MEGF11: variants seen among roughly 807,000 people sequenced by gnomAD.
MEGF11 encodes multiple EGF like domains 11, also known as multiple epidermal growth factor-like domains protein 11.
In MEGF11, 126 loss-of-function variants were observed where a neutral mutation model predicts 146.6. That is an observed-to-expected ratio of 0.86 (90% CI 0.74 to 1.00). The LOEUF is 1.00. MEGF11 is among the 50% of genes least tolerant of loss of function. The pLI, the probability that MEGF11 is intolerant of heterozygous loss-of-function variation, is 0.00. For synonymous variants in MEGF11, 532 were observed against 583.4 expected (o/e 0.91, Z 1.27); for missense variants, 1,509 against 1,521.2 (o/e 0.99, Z 0.13).
intron 20 of MEGF11, among the ~76,000 whole-genome samples, chr15:65,912,898 G>A (rs1208208286): frequency 1.3e-5 from 2 of 152,196 alleles, no homozygotes; most frequent in South Asian, 2.1e-4. Flanking sequence ...ACAAGATGCA[G>A]GAGGCTGCAG....
At chr15:66,069,617 T>C (rs2085282893) in intron 5 of MEGF11, among the ~76,000 whole-genome samples, 1 of 152,204 alleles carries the variant, frequency 6.6e-6, no homozygotes, top group African/African-American at 2.4e-5. Flanking sequence ...TGCTCTTAAC[T>C]GCCACAGAGT....
At chr15:66,030,137 G>A (rs988772911) in intron 5 of MEGF11, among the ~76,000 whole-genome samples, 9 of 152,192 alleles carry the variant, frequency 5.9e-5, no homozygotes, top group African/African-American at 1.9e-4. Context: ...AGCACACACA[G>A]AGATTCAGAC....
At chr15:65,980,681 G>A (rs766758911) in intron 7 of MEGF11, 97 bp downstream of exon 7, 53 of 1,426,348 alleles carry the variant, frequency 3.7e-5, no homozygotes, top group Middle Eastern at 3.9e-4. Context: ...TTACAGTCAC[G>A]AGTACCATGC....
At chr15:65,955,739 T>A (rs1596899950) in intron 10 of MEGF11, among the ~76,000 whole-genome samples, 1 of 9,736 alleles carries the variant, frequency 1.0e-4, no homozygotes, top group Non-Finnish European at 1.5e-4. Flanking sequence ...GTGAGACTCT[T>A]AAAAAAAAAA....
At position 66,184,734 on chromosome 15, in the gene MEGF11, C is replaced by T. The variant is rs532907213; in HGVS notation, c.-8-56323G>A. On this transcript the variant is annotated intron_variant, in intron 1 of 25. Transcript: ENST00000395614. ...CTGCCTCGCTGACTTTCTAGGAGTT[C>T]TCCCAAAGCACCGTGTTTCCGTCTG... 2.0e-4 allele frequency among the ~76,000 whole-genome samples: 30 copies of T among 151,782 alleles called. No individual in the cohort carries two copies. The South Asian group carries it at 6.1e-3, about 31-fold the overall frequency.
At chr15:66,147,984 G>A (rs1267907581) in intron 1 of MEGF11, among the ~76,000 whole-genome samples, 3 of 152,214 alleles carry the variant, frequency 2.0e-5, no homozygotes, top group Non-Finnish European at 4.4e-5. Flanking sequence ...CCATGCATAG[G>A]AAGAATGCAT....
intron 5 of MEGF11, among the ~76,000 whole-genome samples, chr15:65,996,337 G>A (rs755449800): frequency 6.6e-6 from 1 of 152,172 alleles, no homozygotes; most frequent in Non-Finnish European, 1.5e-5. Flanking sequence ...ATGATAGGCA[G>A]AAATAGAATT....
At chr15:66,148,721 C>T (rs1467690106) in intron 1 of MEGF11, among the ~76,000 whole-genome samples, 2 of 152,202 alleles carry the variant, frequency 1.3e-5, no homozygotes, top group Non-Finnish European at 2.9e-5. Flanking sequence ...CAGCTGTTGA[C>T]AAGCACAGGG....
rs182132556 is a variant in MEGF11 at position 66,101,162 on chromosome 15, A to G, written c.302-6668T>C. ...CTGAGAGAGTAGACACTTCTTCCACATGTCAGGGACAGGGGAAGACATAGG... is the reference window on the plus strand; with the variant it reads ...CTGAGAGAGTAGACACTTCTTCCACGTGTCAGGGACAGGGGAAGACATAGG... On this transcript the variant is annotated intron_variant, in intron 4 of 25. Transcript: ENST00000395614. Among the ~76,000 whole-genome samples the G allele has an allele frequency of 6.2e-4, 95 of 152,142 alleles. 1 individual carries two copies. Among genetic ancestry groups the G allele is most frequent in the African/African-American group, 2.1e-3 (89 of 41,530 alleles).
chr15:66,133,345 C>T (rs2088738428), intron 1 of MEGF11, among the ~76,000 whole-genome samples: 1 of 152,198 alleles, frequency 6.6e-6, no homozygotes, highest in Non-Finnish European at 1.5e-5. Context: ...CATGAAAAGG[C>T]GCTTTCAGGT....
Position 65,974,852 on chromosome 15 carries a change from TC to T in MEGF11, c.763-4164del, listed in dbSNP as rs745743878. ...GATAAGGACACTCTTGGAAAAACTT[TC>T]TTTTTTTTTGAGATGGAGTTTCGCT... On this transcript the variant is annotated intron_variant, in intron 7 of 25. Transcript: ENST00000395614. 5.8e-3 allele frequency among the ~76,000 whole-genome samples: 277 copies of T among 47,754 alleles called. 1 individual carries two copies. Among genetic ancestry groups the T allele is most frequent in the Non-Finnish European group, 0.018 (213 of 11,990 alleles). The allele number at this position is 47,754 out of a possible 152,430, so 31.3% of individuals were successfully genotyped here.
chr15:65,981,543 C>T (rs771485067), intron 6 of MEGF11, among the ~76,000 whole-genome samples: 7 of 152,134 alleles, frequency 4.6e-5, no homozygotes, highest in East Asian at 1.9e-4. Context: ...CAATCAACAA[C>T]GTCTCTGTGG....
intron 5 of MEGF11, among the ~76,000 whole-genome samples, chr15:66,079,540 C>CCG (rs1448342012): frequency 1.4e-5 from 2 of 142,998 alleles, no homozygotes; most frequent in Admixed American, 6.9e-5. Flanking sequence ...CATTCACACC[C>CCG]CCCCCCCCAG....
chr15:66,016,136 C>T (rs1183917034), intron 5 of MEGF11, among the ~76,000 whole-genome samples: 1 of 152,142 alleles, frequency 6.6e-6, no homozygotes, highest in Non-Finnish European at 1.5e-5. Flanking sequence ...AAAACCCACT[C>T]GGCTTCAGTA....
intron 1 of MEGF11, among the ~76,000 whole-genome samples, chr15:66,160,067 C>A (rs997872416): frequency 5.3e-5 from 8 of 152,042 alleles, no homozygotes; most frequent in Admixed American, 4.6e-4. Context: ...AGATGGAGAC[C>A]CTTTCACCCC....
At chr15:66,107,928 C>A (rs776766781) in intron 4 of MEGF11, among the ~76,000 whole-genome samples, 9 of 152,100 alleles carry the variant, frequency 5.9e-5, no homozygotes, top group Non-Finnish European at 1.2e-4. Context: ...ACAATGGGAC[C>A]TGGAGTGAAA....
intron 5 of MEGF11, among the ~76,000 whole-genome samples, chr15:66,006,151 A>G (rs964334120): frequency 5.3e-5 from 8 of 152,214 alleles, no homozygotes; most frequent in African/African-American, 1.9e-4. Context: ...TGAGTCACAC[A>G]TACACCCTAT....
intron 5 of MEGF11, among the ~76,000 whole-genome samples, chr15:66,068,413 C>G (rs544887312): frequency 5.3e-5 from 8 of 152,198 alleles, no homozygotes; most frequent in Admixed American, 4.6e-4. Context: ...CAATCGTGCT[C>G]TTTCTCCACA....
intron 7 of MEGF11, among the ~76,000 whole-genome samples, chr15:65,979,943 G>A (rs983229930): frequency 3.3e-5 from 5 of 152,180 alleles, no homozygotes; most frequent in Non-Finnish European, 7.3e-5. Context: ...CTTTCCCACA[G>A]TGGTTTTTCC....
Sources: gnomAD v4.1 joint callset for allele counts (sites outside exome capture counted in the v4.1 genomes callset) on GRCh38, gnomAD v4.1.1 for gene constraint, MANE v1.5 for transcripts, NCBI Gene and HGNC (gene_info 2026-07-23, HGNC 2026-07-21) for gene names.